Variants in ABI2 observed in about 807,000 individuals in gnomAD.
ABI2 encodes the protein abelson interactor 2.
ABI2 carries 25 observed loss-of-function variants against 59.2 expected under a neutral mutation model. The ratio of observed to expected loss-of-function variants is 0.42; its 90% confidence interval spans 0.31 to 0.59. ABI2 has a LOEUF of 0.59. ABI2 is among the 20% of genes least tolerant of loss of function. The pLI is 0.14. For missense variants in ABI2, 545 were observed against 681.8 expected, an observed-to-expected ratio of 0.80 and a Z score of 2.23; for synonymous variants, 213 against 235.5, an observed-to-expected ratio of 0.90 and a Z score of 0.87.
chr2:203,350,929 CTA>C (rs1327042835), intron 1 of ABI2, among the ~76,000 whole-genome samples: 1 of 151,248 alleles, frequency 6.6e-6, no homozygotes, highest in Non-Finnish European at 1.5e-5. Flanking sequence ...ATATAAGAAA[CTA>C]TTGCCTAATC....
intron 10 of ABI2, among the ~76,000 whole-genome samples, chr2:203,414,166 A>G (rs755110435): frequency 2.6e-4 from 39 of 149,846 alleles, no homozygotes; most frequent in Non-Finnish European, 4.4e-4. Context: ...CAGTGGTGCA[A>G]TCTTGGCTCT....
intron 2 of ABI2, among the ~76,000 whole-genome samples, chr2:203,373,803 A>AAGAGCTAGGTATTGAAAGGCAGTGGC (rs796077707): frequency 1.4e-4 from 21 of 152,340 alleles, no homozygotes; most frequent in African/African-American, 5.0e-4. Context: ...AATTCTTCTC[A>AAGAGCTAGGTATTGAAAGGCAGTGGC]AGAGCTAGGT....
At chr2:203,336,893 A>G (rs1224725306) in intron 1 of ABI2, among the ~76,000 whole-genome samples, 1 of 152,206 alleles carries the variant, frequency 6.6e-6, no homozygotes, top group African/African-American at 2.4e-5. Context: ...AAACGATGGT[A>G]CCGTTTTGCG....
chr2:203,364,910 CT>C (rs2094185795), intron 1 of ABI2, among the ~76,000 whole-genome samples: 1 of 151,568 alleles, frequency 6.6e-6, no homozygotes, highest in Non-Finnish European at 1.5e-5. Context: ...ATTTTCTAAA[CT>C]TTTGTGGAGT....
At chr2:203,356,297 G>C (rs1294089094) in intron 1 of ABI2, among the ~76,000 whole-genome samples, 1 of 152,040 alleles carries the variant, frequency 6.6e-6, no homozygotes. Flanking sequence ...TCATGTCTTA[G>C]CCTCCCAAGT....
rs926604927 is a variant in ABI2, at chr2:203,431,328, C to T, written c.*3976C>T. ...TTCCACTGCACCACAACTGTCTTAA[C>T]TAAATGTGCTGTATTTTTCTTTAAA... On this transcript the variant is annotated 3_prime_UTR_variant, in exon 12 of 12. Coordinates refer to ENST00000261018, the MANE Select transcript of ABI2 (RefSeq NM_001375670.1). 6.6e-6 allele frequency: 1 copy of T among 152,588 alleles called. No individual in the cohort carries two copies. Among genetic ancestry groups the T allele is most frequent in the Non-Finnish European group, 1.5e-5 (1 of 68,030 alleles). The allele number at this position is 152,588 out of a possible 1,614,324, so 9.5% of individuals were successfully genotyped here.
chr2:203,395,448 T>TACACACACAC (rs59156204), intron 6 of ABI2, among the ~76,000 whole-genome samples: 284 of 115,288 alleles, frequency 2.5e-3, no homozygotes, highest in African/African-American at 4.7e-3. Flanking sequence ...TATATATATA[T>TACACACACAC]ACACACACAC....
At position 203,392,967 on chromosome 2, in the gene ABI2, C is replaced by CTT. The variant is rs34801404; in HGVS notation, c.579-1724_579-1723dup. Among the ~76,000 whole-genome samples, 1,135 of 149,682 alleles carry CTT rather than the reference C, an allele frequency of 7.6e-3. 5 individuals carry two copies. Among genetic ancestry groups the CTT allele is most frequent in the Non-Finnish European group, 0.01 (678 of 67,274 alleles). On this transcript the variant is annotated intron_variant, in intron 5 of 11. Transcript: ENST00000261018. ...GTCACCACATTTTGTTCCTTTGCTC[C>CTT]TTTTTTTTTTAAAAAAAATCTTATT...
intron 1 of ABI2, among the ~76,000 whole-genome samples, chr2:203,364,091 C>CTTTTTTTTTTT (rs75432257): frequency 2.8e-5 from 4 of 140,478 alleles, no homozygotes; most frequent in African/African-American, 7.8e-5. Context: ...GTCCATTCAT[C>CTTTTTTTTTTT]TTTTTTTTTT....
intron 1 of ABI2, among the ~76,000 whole-genome samples, chr2:203,360,490 TGAG>T (rs2093334516): frequency 6.6e-6 from 1 of 152,068 alleles, no homozygotes; most frequent in Non-Finnish European, 1.5e-5. Flanking sequence ...ATAGAACAGT[TGAG>T]GCACTGTAAA....
intron 11 of ABI2, among the ~76,000 whole-genome samples, chr2:203,423,700 C>T (rs1164259271): frequency 1.3e-5 from 2 of 152,114 alleles, no homozygotes; most frequent in Admixed American, 6.5e-5. Flanking sequence ...GGATTACAGG[C>T]GTGAGCCACC....
At position 203,431,259 on chromosome 2, in the gene ABI2, A is replaced by G. The variant is rs1000568488; in HGVS notation, c.*3907A>G. 6.6e-6 allele frequency: 1 copy of G among 152,648 alleles called. No individual in the cohort carries two copies. Among genetic ancestry groups the G allele is most frequent in the Non-Finnish European group, 1.5e-5 (1 of 68,040 alleles). 9.5% of individuals were successfully genotyped at this position (152,648 alleles called of 1,614,324 possible). On this transcript the variant is annotated 3_prime_UTR_variant, in exon 12 of 12. Coordinates refer to ENST00000261018, the MANE Select transcript of ABI2 (RefSeq NM_001375670.1). ...AGTTTTCTTCTTCATATGAACAGCT[A>G]GTTAATAACAGCAGAGTTCTCACTC...
intron 11 of ABI2, among the ~76,000 whole-genome samples, chr2:203,420,102 T>C (rs1258408740): frequency 6.6e-6 from 1 of 152,190 alleles, no homozygotes; most frequent in Non-Finnish European, 1.5e-5. Flanking sequence ...AGTTAAGTGT[T>C]AGAATTGGGA....
chr2:203,432,058 A>C lies in ABI2; in HGVS notation c.*4706A>C, dbSNP rs1481287945. Reference sequence around the variant, plus strand: ...TTGCCAGTAATGTTCCTTGTGTGCCATTAAACCACCTCCAGATGAGTGGAG... The same window carrying C: ...TTGCCAGTAATGTTCCTTGTGTGCCCTTAAACCACCTCCAGATGAGTGGAG... On this transcript the variant is annotated 3_prime_UTR_variant, in exon 12 of 12. Coordinates refer to ENST00000261018, the MANE Select transcript of ABI2 (RefSeq NM_001375670.1). 6.6e-6 allele frequency: 1 copy of C among 152,240 alleles called. No homozygotes were observed. The highest frequency in any genetic ancestry group is 1.5e-5 in the Non-Finnish European group (1 of 68,046). 9.4% of individuals were successfully genotyped at this position (152,240 alleles called of 1,614,324 possible).
At chr2:203,410,999 TTATGTTTTATATA>T (rs977388020) in intron 9 of ABI2, among the ~76,000 whole-genome samples, 9 of 150,698 alleles carry the variant, frequency 6.0e-5, no homozygotes, top group African/African-American at 2.2e-4. Flanking sequence ...AAAAATGGGA[TTATGTTTTATATA>T]TATAAAACAT....
intron 2 of ABI2, among the ~76,000 whole-genome samples, chr2:203,376,455 T>G (rs1466906362): frequency 6.6e-6 from 1 of 152,196 alleles, no homozygotes; most frequent in Non-Finnish European, 1.5e-5. Flanking sequence ...CCAAACTAAA[T>G]TATTTTGACT....
chr2:203,360,010 C>T (rs537594588), intron 1 of ABI2, among the ~76,000 whole-genome samples: 1 of 151,918 alleles, frequency 6.6e-6, no homozygotes, highest in East Asian at 1.9e-4. Context: ...CATGGTAAAA[C>T]CCCGTGCCTG....
At chr2:203,377,844 T>A (rs1479357762) in intron 2 of ABI2, among the ~76,000 whole-genome samples, 1 of 152,180 alleles carries the variant, frequency 6.6e-6, no homozygotes, top group Non-Finnish European at 1.5e-5. Flanking sequence ...AGGTCGAGGA[T>A]GCAGTGAGCC....
chr2:203,400,775 A>G (rs1159787788), intron 8 of ABI2, among the ~76,000 whole-genome samples: 1 of 152,198 alleles, frequency 6.6e-6, no homozygotes, highest in East Asian at 1.9e-4. Context: ...CCATTTTATA[A>G]TCATAGACAA....
Sources: allele counts gnomAD v4.1 joint callset (sites outside exome capture counted in the v4.1 genomes callset), GRCh38; gene constraint gnomAD v4.1.1; transcripts MANE v1.5; gene names NCBI Gene and HGNC (gene_info 2026-07-23, HGNC 2026-07-21).